The following EVA1C variants were observed in gnomAD, a reference collection of about 807,000 sequenced individuals.
The protein encoded by EVA1C is eva-1 homolog C.
A neutral mutation model predicts 45.4 loss-of-function variants in EVA1C; 25 were observed. That is an observed-to-expected ratio of 0.55 (90% CI 0.40 to 0.77). The LOEUF (loss-of-function observed/expected upper bound fraction) is 0.77, where lower values mean the gene tolerates loss of function less well. Ranked by LOEUF, EVA1C falls within the 30% of genes least tolerant of loss-of-function variation. EVA1C has a pLI of 0.00. For synonymous variants in EVA1C, 190 were observed against 221.2 expected (o/e 0.86, Z 1.25); for missense variants, 479 against 554.8 (o/e 0.86, Z 1.37).
At chr21:32,444,463 A>G (rs187468104) in intron 1 of EVA1C, among the ~76,000 whole-genome samples, 1 of 152,262 alleles carries the variant, frequency 6.6e-6, no homozygotes, top group African/African-American at 2.4e-5. Flanking sequence ...GTTTATTATA[A>G]AGGCTATTAC....
intron 4 of EVA1C, among the ~76,000 whole-genome samples, chr21:32,484,488 G>A (rs1389000346): frequency 1.3e-5 from 2 of 151,206 alleles, no homozygotes; most frequent in East Asian, 3.9e-4. Context: ...AGGTTGCAGT[G>A]AGCCGAGATC....
chr21:32,498,034 G>A lies in EVA1C; in HGVS notation c.778+2864G>A, dbSNP rs2037407903. On this transcript the variant is annotated intron_variant, in intron 5 of 7. Coordinates refer to ENST00000300255, the MANE Select transcript of EVA1C (RefSeq NM_058187.5). ...ACATCACTAATGCTGAGATGAAGGT[G>A]AGCTTTCAGGGCCTGGGGGTCACAT... Among the ~76,000 whole-genome samples the A allele has an allele frequency of 2.6e-5, 4 of 152,174 alleles. No individual in the cohort carries two copies. In the South Asian group the frequency reaches 8.3e-4, roughly 31 times the overall value.
chr21:32,460,628 C>T (rs2035962016), intron 3 of EVA1C, among the ~76,000 whole-genome samples: 1 of 152,170 alleles, frequency 6.6e-6, no homozygotes, highest in Non-Finnish European at 1.5e-5. Context: ...TCCTCGGTAA[C>T]CAGATCATCC....
In EVA1C at chr21:32,477,189, G is replaced by T. The variant is rs534854186; in HGVS notation, c.634+9341G>T. ...AGCTGGGAAGCTCTGCCCTGAAGAC[G>T]CACTTGGCTTTAGCACATCAAGATG... On this transcript the variant is annotated intron_variant, in intron 4 of 7. Coordinates refer to ENST00000300255, the MANE Select transcript of EVA1C (RefSeq NM_058187.5). Among the ~76,000 whole-genome samples the T allele has an allele frequency of 2.0e-5, 3 of 152,140 alleles. No individual in the cohort carries two copies. The South Asian group carries it at 6.2e-4, about 32-fold the overall frequency.
Position 32,457,251 on chromosome 21 carries a change from C to A in EVA1C, c.358-346C>A, listed in dbSNP as rs144789277. Among the ~76,000 whole-genome samples, 661 of 152,262 alleles carry A rather than the reference C, an allele frequency of 4.3e-3. 5 individuals are homozygous for A. Among genetic ancestry groups the A allele is most frequent in the African/African-American group, 0.014 (579 of 41,546 alleles). On this transcript the variant is annotated intron_variant, in intron 2 of 7. Transcript: ENST00000300255. ...CCGCTCGAAGGGGACCCTGAAGTAC[C>A]CTGCACCCCAATATCTGAAAGTCCT... is the stretch of plus-strand genomic sequence containing the variant.
chr21:32,487,718 T>C (rs1302779717), intron 4 of EVA1C, among the ~76,000 whole-genome samples: 1 of 124,114 alleles, frequency 8.1e-6, no homozygotes, highest in Non-Finnish European at 1.7e-5. Context: ...AGACTCCATC[T>C]CAAAAAAAAA....
In EVA1C at chr21:32,474,628, G is replaced by C. The variant is rs1568923303; in HGVS notation, c.634+6780G>C. ...GAGCTAAGCAGCTCTGCAGGGACTG[G>C]TCTGTGGAATTCCCAGCAACTTAAG... is the stretch of plus-strand genomic sequence containing the variant. On this transcript the variant is annotated intron_variant, in intron 4 of 7. Transcript: ENST00000300255. The surrounding 1 kb of genome is among the most constrained non-coding windows in gnomAD (Gnocchi z 4.4). 6.6e-6 allele frequency among the ~76,000 whole-genome samples: 1 copy of C among 152,198 alleles called. No homozygotes were observed. The highest frequency in any genetic ancestry group is 2.4e-5 in the African/African-American group (1 of 41,448).
chr21:32,429,606 G>A (rs1274191239), intron 1 of EVA1C, among the ~76,000 whole-genome samples: 2 of 152,020 alleles, frequency 1.3e-5, no homozygotes, highest in Admixed American at 1.3e-4. Flanking sequence ...CACCTGCCTC[G>A]GCCTCCCAAA....
chr21:32,497,293 C>T, intron 5 of EVA1C: 2 of 680,600 alleles, frequency 2.9e-6, no homozygotes, highest in South Asian at 2.9e-5. Context: ...AACAAATCTC[C>T]AGATTGGCAG....
intron 7 of EVA1C, among the ~76,000 whole-genome samples, chr21:32,506,346 C>T (rs1319513688): frequency 6.7e-6 from 1 of 149,956 alleles, no homozygotes; most frequent in African/African-American, 2.5e-5. Context: ...TTTTCCTGTG[C>T]TTTATTGTCA....
intron 1 of EVA1C, among the ~76,000 whole-genome samples, chr21:32,444,747 C>A (rs536054677): frequency 6.6e-6 from 1 of 150,698 alleles, no homozygotes; most frequent in East Asian, 2.0e-4. Context: ...TTTAATCTTG[C>A]CTTGGTCTTT....
At chr21:32,430,456 G>T (rs1041779131) in intron 1 of EVA1C, among the ~76,000 whole-genome samples, 1 of 152,144 alleles carries the variant, frequency 6.6e-6, no homozygotes, top group Non-Finnish European at 1.5e-5. Flanking sequence ...CTCCATTTTG[G>T]GGTCCGGGGA....
chr21:32,460,793 T>G (rs981858328), intron 3 of EVA1C, among the ~76,000 whole-genome samples: 6 of 150,814 alleles, frequency 4.0e-5, no homozygotes, highest in African/African-American at 1.5e-4. Flanking sequence ...TTGCCCAGGC[T>G]GGAGTGTAGT....
intron 5 of EVA1C, among the ~76,000 whole-genome samples, chr21:32,499,920 G>A (rs567115463): frequency 6.6e-6 from 1 of 152,136 alleles, no homozygotes; most frequent in Admixed American, 6.5e-5. Flanking sequence ...GGTCAGTTCA[G>A]CAGAGTCTGA....
At chr21:32,439,431 G>A (rs1345118859) in intron 1 of EVA1C, among the ~76,000 whole-genome samples, 1 of 152,192 alleles carries the variant, frequency 6.6e-6, no homozygotes, top group African/African-American at 2.4e-5. Context: ...GGCCAGGCCA[G>A]CATGATTACC....
At chr21:32,439,040 A>C (rs2035073909) in intron 1 of EVA1C, among the ~76,000 whole-genome samples, 1 of 151,848 alleles carries the variant, frequency 6.6e-6, no homozygotes, top group African/African-American at 2.4e-5. Context: ...GTTAGAGACC[A>C]GCCTGGCCAA....
chr21:32,437,810 A>G (rs1361427409), intron 1 of EVA1C, among the ~76,000 whole-genome samples: 1 of 151,988 alleles, frequency 6.6e-6, no homozygotes, highest in Admixed American at 6.5e-5. Flanking sequence ...ACAATAAGCA[A>G]TTGACTAACT....
chr21:32,515,104 G>T lies in EVA1C; in HGVS notation c.1240G>T (p.Glu414Ter). ...AGCTGCAGAGCTCGCAGAAAGGATT[G>T]AGCGCAGGGAGCAAATCATTCAGGA... ...IEAAELAERIERREQIIQEIW... is the reference protein window; with the variant it reads ...IEAAELAERI The change falls in exon 8 of 8, where the codon GAG (glutamate) becomes TAG (stop). Residue 414 changes from glutamate (E) to a stop codon, truncating the protein, a stop_gained. Transcript: ENST00000300255. LOFTEE classifies it high-confidence loss of function. 6.2e-7 allele frequency: 1 copy of T among 1,614,106 alleles called. No individual in the cohort carries two copies. Among genetic ancestry groups the T allele is most frequent in the Non-Finnish European group, 8.5e-7 (1 of 1,179,952 alleles).
intron 5 of EVA1C, chr21:32,496,701 A>G: frequency 3.4e-6 from 2 of 584,620 alleles, no homozygotes; most frequent in Non-Finnish European, 6.1e-6. Context: ...TCTTCATCAG[A>G]GTGTTGAATA....
Sources: gnomAD v4.1 joint callset for allele counts (sites outside exome capture counted in the v4.1 genomes callset) on GRCh38, gnomAD v4.1.1 for gene constraint, Gnocchi (gnomAD v3.1) non-coding constraint, MANE v1.5 for transcripts, NCBI Gene and HGNC (gene_info 2026-07-23, HGNC 2026-07-21) for gene names.